MTTP: variants seen among roughly 807,000 people sequenced by gnomAD.
MTTP encodes microsomal triglyceride transfer protein, also known as microsomal triglyceride transfer protein large subunit.
A neutral mutation model predicts 90.6 loss-of-function variants in MTTP; 49 were observed. The observed-to-expected ratio is 0.54, with a 90% CI of 0.43 to 0.69. The LOEUF (loss-of-function observed/expected upper bound fraction) is 0.69, where lower values mean the gene tolerates loss of function less well. Among genes scored for constraint, MTTP ranks in the 30% least tolerant of loss-of-function variants. The probability of loss-of-function intolerance (pLI) is 0.00; values close to 1 mark genes in which losing one functional copy is unlikely to be tolerated. For synonymous variants in MTTP, 347 were observed against 384.2 expected (o/e 0.90, Z 1.13); for missense variants, 945 against 1,067.5 (o/e 0.89, Z 1.60).
rs534435956 is a variant in MTTP, at chr4:99,584,644, C to A, written c.393+1127C>A. ...AATACTTGCCATGTTTCTGACTGCT[C>A]ACATGCCATTTCTGTCATAAAGTTC... On this transcript the variant is annotated intron_variant, in intron 3 of 17. Transcript: ENST00000265517. Among the ~76,000 whole-genome samples, 45 of 152,246 alleles carry A rather than the reference C, an allele frequency of 3.0e-4. 1 individual carries two copies. Among genetic ancestry groups the A allele is most frequent in the African/African-American group, 1.1e-3 (45 of 41,556 alleles).
chr4:99,574,032 A>C (rs1724895330), upstream of MTTP, among the ~76,000 whole-genome samples: 1 of 152,124 alleles, frequency 6.6e-6, no homozygotes, highest in East Asian at 1.9e-4. Context: ...AATTCTACAG[A>C]AGTTTTCTAA....
At chr4:99,622,263 TG>T (rs928487208) in intron 17 of MTTP, among the ~76,000 whole-genome samples, 3 of 152,178 alleles carry the variant, frequency 2.0e-5, no homozygotes, top group African/African-American at 7.2e-5. Context: ...ACATTTGCCT[TG>T]GGCCAGAGCT....
Position 99,605,262 on chromosome 4 carries a change from T to C in MTTP, c.1345-1486T>C, listed in dbSNP as rs569624752. Among the ~76,000 whole-genome samples, 261 of 152,324 alleles carry C rather than the reference T, an allele frequency of 1.7e-3. 1 individual carries two copies. The highest frequency in any genetic ancestry group is 5.8e-3 in the African/African-American group (241 of 41,586). On this transcript the variant is annotated intron_variant, in intron 10 of 17. Transcript: ENST00000265517. ...ACTCATTAAAAAAAATTTTTCTTTC[T>C]ATGTTTCTTTTTGCAACAGTAAACA...
chr4:99,576,500 C>T (rs1234223823), intron 1 of MTTP, among the ~76,000 whole-genome samples: 2 of 151,370 alleles, frequency 1.3e-5, no homozygotes, highest in Non-Finnish European at 2.9e-5. Flanking sequence ...TCGAGACCAT[C>T]CCGGCTAAAA....
chr4:99,574,680 AGAGT>A (rs1241675101), upstream of MTTP: 1 of 931,606 alleles, frequency 1.1e-6, no homozygotes, highest in East Asian at 2.7e-5. Flanking sequence ...AAAATTAAAA[AGAGT>A]GAGAGACTGA....
chr4:99,569,247 A>G (rs1385355049), intron 1 of MTTP, among the ~76,000 whole-genome samples: 1 of 152,120 alleles, frequency 6.6e-6, no homozygotes, highest in Non-Finnish European at 1.5e-5. Flanking sequence ...GAAAAATACC[A>G]CAAAAATTCA....
In MTTP at chr4:99,591,371, C is replaced by A; in HGVS notation, c.618+20C>A. The A allele has an allele frequency of 6.8e-7, 1 of 1,480,682 alleles. No homozygotes were observed. The highest frequency in any genetic ancestry group is 9.4e-7 in the Non-Finnish European group (1 of 1,058,770). The allele number at this position is 1,480,682 out of a possible 1,614,324, so 91.7% of individuals were successfully genotyped here. ...AATCAGGTATGATAGATGTCACTTT[C>A]TTTGAGGCATTAAAATAATTACATT... On this transcript the variant is annotated intron_variant, in intron 5 of 17. Transcript: ENST00000265517.
At chr4:99,576,041 C>A (rs1333340343) in intron 1 of MTTP, among the ~76,000 whole-genome samples, 3 of 152,134 alleles carry the variant, frequency 2.0e-5, no homozygotes, top group Non-Finnish European at 1.5e-5. Flanking sequence ...TAAATTTAAA[C>A]CAATTCACCT....
chr4:99,576,274 G>T (rs1023826347), intron 1 of MTTP, among the ~76,000 whole-genome samples: 2 of 152,246 alleles, frequency 1.3e-5, no homozygotes, highest in Non-Finnish European at 1.5e-5. Context: ...AAATACCATA[G>T]TATCAAACCT....
intron 1 of MTTP, among the ~76,000 whole-genome samples, chr4:99,575,255 A>G (rs912840463): frequency 3.9e-5 from 6 of 152,220 alleles, no homozygotes; most frequent in Non-Finnish European, 5.9e-5. Flanking sequence ...TGTTTTTAAA[A>G]GAAGGAAAAA....
intron 10 of MTTP, among the ~76,000 whole-genome samples, chr4:99,604,187 A>G (rs539407338): frequency 1.3e-5 from 2 of 152,278 alleles, no homozygotes; most frequent in African/African-American, 4.8e-5. Context: ...TTAAATAAGC[A>G]CAAATTTAAG....
At chr4:99,604,646 ACTAGTCT>A (rs1045491333) in intron 10 of MTTP, among the ~76,000 whole-genome samples, 5 of 152,194 alleles carry the variant, frequency 3.3e-5, no homozygotes, top group Non-Finnish European at 5.9e-5. Context: ...TGCCATTGCA[ACTAGTCT>A]CTTACAATGA....
intron 6 of MTTP, among the ~76,000 whole-genome samples, chr4:99,593,392 T>A (rs1725476643): frequency 6.6e-6 from 1 of 152,060 alleles, no homozygotes; most frequent in South Asian, 2.1e-4. Flanking sequence ...TAAGAGTTTT[T>A]AAAAAAAATT....
At chr4:99,588,732 C>CAT (rs10598152) in intron 3 of MTTP, among the ~76,000 whole-genome samples, 3 of 113,946 alleles carry the variant, frequency 2.6e-5, no homozygotes, top group Admixed American at 8.9e-5. Flanking sequence ...TATATACACA[C>CAT]ATATATATAT....
chr4:99,583,278 A>C (rs1468947107), intron 2 of MTTP, 96 bp from the exon 3 acceptor site: 1 of 1,394,282 alleles, frequency 7.2e-7, no homozygotes. Context: ...ATTGTGGCCA[A>C]CTCTTTCTGT....
chr4:99,574,884 G>A lies in MTTP; in HGVS notation c.-26G>A, dbSNP rs769862307. 6.2e-7 allele frequency: 1 copy of A among 1,614,156 alleles called. No homozygotes were observed. The highest frequency in any genetic ancestry group is 2.2e-5 in the East Asian group (1 of 44,884). ...CTCAGTGACTCCTAGCTGGGCACTG[G>A]ATGCAGTTGAGGATTGCTGGTCAAT... On this transcript the variant is annotated 5_prime_UTR_variant, in exon 1 of 18. Coordinates refer to ENST00000265517, the MANE Select transcript of MTTP (RefSeq NM_001386140.1).
Position 99,594,937 on chromosome 4 carries a change from T to C in MTTP, c.909+54T>C, listed in dbSNP as rs559820029. On this transcript the variant is annotated intron_variant, in intron 7 of 17. Transcript: ENST00000265517. ...ATGACATCAGACTCTGTTTTCATTT[T>C]GTCTCCAGTGAAAGCATCAACTCAT... The C allele has an allele frequency of 9.5e-5, 152 of 1,597,050 alleles. No homozygotes were observed. In the Admixed American group the frequency reaches 2.5e-3, roughly 27 times the overall value.
At chr4:99,611,598 C>G (rs994243287) in intron 14 of MTTP, 145 bp downstream of exon 14, 17 of 1,111,236 alleles carry the variant, frequency 1.5e-5, no homozygotes, top group Non-Finnish European at 2.3e-5. Flanking sequence ...ATTTCCTTAT[C>G]TGTAAGAGGC....
At chr4:99,605,917 T>C (rs12643429) in intron 10 of MTTP, among the ~76,000 whole-genome samples, 28,132 of 140,602 alleles carry the variant, frequency 0.2, 3,081 homozygotes, top group East Asian at 0.5. Context: ...TTGTGTGTGC[T>C]TGTAGCCTAA....
Sources: allele counts gnomAD v4.1 joint callset (sites outside exome capture counted in the v4.1 genomes callset), GRCh38; gene constraint gnomAD v4.1.1; transcripts MANE v1.5; gene names NCBI Gene and HGNC (gene_info 2026-07-23, HGNC 2026-07-21).